TMEM71: variants seen among roughly 807,000 people sequenced by gnomAD.
The protein encoded by TMEM71 is transmembrane protein 71.
Under a neutral mutation model 38.0 loss-of-function variants are expected in TMEM71, and 44 were observed. That is an observed-to-expected ratio of 1.16 (90% confidence interval 0.91 to 1.49). The LOEUF is 1.49. Ranked by LOEUF, TMEM71 falls within the 40% of genes most tolerant of loss-of-function variation. The pLI is 0.00. For synonymous variants in TMEM71, 133 were observed against 122.5 expected (o/e 1.09, Z -0.56); for missense variants, 367 against 348.6 (o/e 1.05, Z -0.42).
In TMEM71 at chr8:132,755,954, T is replaced by C. The variant is rs1455895835; in HGVS notation, c.101+1280A>G. On this transcript the variant is annotated intron_variant, in intron 3 of 9. Coordinates refer to ENST00000677595, the MANE Select transcript of TMEM71 (RefSeq NM_001382403.1). ...AGTGGCAGAGCTATGATATGAAGCC[T>C]AGTCTATCTGACTCTAAAACATGGA... Among the ~76,000 whole-genome samples the C allele has an allele frequency of 2.0e-5, 3 of 152,202 alleles. No homozygotes were observed. The East Asian group carries it at 5.8e-4, about 29-fold the overall frequency.
the TMEM71 span, chr8:132,775,381 T>A: frequency 1.1e-5 from 4 of 368,184 alleles, no homozygotes; most frequent in Non-Finnish European, 1.9e-5. Flanking sequence ...GGGCCCGGCG[T>A]CGCGTCAGGG....
upstream of TMEM71, among the ~76,000 whole-genome samples, chr8:132,761,404 A>G (rs1409011868): frequency 6.6e-6 from 1 of 152,194 alleles, no homozygotes; most frequent in African/African-American, 2.4e-5. Context: ...AGAAATGAGA[A>G]ATAATCGAGT....
intron 5 of TMEM71, 140 bp downstream of exon 5, chr8:132,746,802 T>C (rs963043350): frequency 1.3e-5 from 8 of 606,198 alleles, no homozygotes; most frequent in Admixed American, 7.3e-5. Context: ...GAGAGAACTT[T>C]AAGTGAATTT....
At chr8:132,766,028 C>A in the TMEM71 span, among the ~76,000 whole-genome samples, 2 of 152,136 alleles carry the variant, frequency 1.3e-5, no homozygotes, top group African/African-American at 4.8e-5. Context: ...AGGTGATCCA[C>A]CTGCCTCAGC....
the TMEM71 span, among the ~76,000 whole-genome samples, chr8:132,771,770 G>A: frequency 1.3e-5 from 2 of 152,218 alleles, no homozygotes; most frequent in East Asian, 1.9e-4. Flanking sequence ...ATACATTAGA[G>A]AGGTGAAAAA....
At chr8:132,730,142 G>A (rs368437516) in intron 5 of TMEM71, among the ~76,000 whole-genome samples, 5 of 152,050 alleles carry the variant, frequency 3.3e-5, no homozygotes, top group African/African-American at 9.7e-5. Context: ...ATTTTTAGTT[G>A]AGATAGGGTT....
intron 1 of TMEM71, chr8:132,760,182 A>T (rs1280691097): frequency 1.1e-5 from 1 of 87,078 alleles, no homozygotes; most frequent in Non-Finnish European, 2.8e-5. Flanking sequence ...AATTAGTAAC[A>T]GTAGGAAAAA....
At chr8:132,712,765 G>C (rs960047519) in intron 9 of TMEM71, among the ~76,000 whole-genome samples, 6 of 152,114 alleles carry the variant, frequency 3.9e-5, no homozygotes, top group African/African-American at 1.4e-4. Flanking sequence ...TAAAGATTTG[G>C]TAACTTAGGT....
chr8:132,728,013 AGTGT>A (rs59776482), intron 5 of TMEM71, 27 bp from the exon 6 acceptor site: 63,195 of 1,054,872 alleles, frequency 0.06, 127 homozygotes, highest in African/African-American at 0.1. Flanking sequence ...GTTCAGTGTG[AGTGT>A]GTGTGTGTGT....
At position 132,755,601 on chromosome 8, in the gene TMEM71, C is replaced by T. The variant is rs185990603; in HGVS notation, c.101+1633G>A. On this transcript the variant is annotated intron_variant, in intron 3 of 9. Coordinates refer to ENST00000677595, the MANE Select transcript of TMEM71 (RefSeq NM_001382403.1). ...GGTGAAAGGACAAATATCATTAGGACCATTAAAAAATGTTAGATGATTACA... is the reference window on the plus strand; with the variant it reads ...GGTGAAAGGACAAATATCATTAGGATCATTAAAAAATGTTAGATGATTACA... Among the ~76,000 whole-genome samples the T allele has an allele frequency of 1.2e-4, 19 of 152,202 alleles. No homozygotes were observed. The East Asian group carries it at 3.7e-3, about 29-fold the overall frequency.
At chr8:132,718,323 C>T (rs76532804) in intron 7 of TMEM71, among the ~76,000 whole-genome samples, 3 of 151,876 alleles carry the variant, frequency 2.0e-5, no homozygotes, top group African/African-American at 7.3e-5. Flanking sequence ...TTTGAAAAGG[C>T]CTGGCCAGGT....
intron 1 of TMEM71, among the ~76,000 whole-genome samples, chr8:132,759,962 T>C (rs1193737405): frequency 6.6e-6 from 1 of 152,192 alleles, no homozygotes; most frequent in Non-Finnish European, 1.5e-5. Flanking sequence ...ATAATCCCAG[T>C]GTAATGTAAT....
chr8:132,772,989 G>A, the TMEM71 span, among the ~76,000 whole-genome samples: 1 of 152,156 alleles, frequency 6.6e-6, no homozygotes, highest in South Asian at 2.1e-4. Context: ...TTACACAGTT[G>A]CTTCATTCCT....
intron 4 of TMEM71, among the ~76,000 whole-genome samples, chr8:132,747,918 A>G (rs1013094688): frequency 6.6e-6 from 1 of 152,204 alleles, no homozygotes; most frequent in Admixed American, 6.5e-5. Context: ...CAGATTAGTG[A>G]TGACATAATT....
intron 3 of TMEM71, among the ~76,000 whole-genome samples, chr8:132,756,942 A>C (rs1474543584): frequency 1.3e-5 from 2 of 151,830 alleles, no homozygotes; most frequent in Non-Finnish European, 2.9e-5. Context: ...GTTGGAGGGC[A>C]GTGGTGGGAT....
At position 132,710,952 on chromosome 8, in the gene TMEM71, A is replaced by T; in HGVS notation, c.*15T>A. 6.2e-7 allele frequency: 1 copy of T among 1,609,348 alleles called. No homozygotes were observed. The highest frequency in any genetic ancestry group is 8.5e-7 in the Non-Finnish European group (1 of 1,177,500). On this transcript the variant is annotated 3_prime_UTR_variant, in exon 10 of 10. Coordinates refer to ENST00000677595, the MANE Select transcript of TMEM71 (RefSeq NM_001382403.1). ...CAGATGGAGGACATTCATCGAAGGC[A>T]TTCCTAAATGGTTGTCAAATTTTGA...
At chr8:132,728,941 T>C (rs769404363) in intron 5 of TMEM71, among the ~76,000 whole-genome samples, 3 of 152,140 alleles carry the variant, frequency 2.0e-5, no homozygotes, top group Non-Finnish European at 4.4e-5. Flanking sequence ...ATAGCAACCA[T>C]CTGTTTAAAT....
At chr8:132,749,711 A>G (rs1828587979) in intron 4 of TMEM71, among the ~76,000 whole-genome samples, 1 of 152,208 alleles carries the variant, frequency 6.6e-6, no homozygotes, top group African/African-American at 2.4e-5. Flanking sequence ...CTGGACAATT[A>G]CATGAGCAAG....
chr8:132,752,877 AAGGAAGGAAGG>A (rs1828802531), intron 3 of TMEM71, among the ~76,000 whole-genome samples: 1 of 148,966 alleles, frequency 6.7e-6, no homozygotes, highest in Non-Finnish European at 1.5e-5. Context: ...GGAAGGAAGG[AAGGAAGGAAGG>A]AATCACATGG....
Sources: allele counts gnomAD v4.1 joint callset (sites outside exome capture counted in the v4.1 genomes callset), GRCh38; gene constraint gnomAD v4.1.1; transcripts MANE v1.5; gene names NCBI Gene and HGNC (gene_info 2026-07-23, HGNC 2026-07-21).